Variants in OR51E2 observed in about 807,000 individuals in gnomAD.
The protein encoded by OR51E2 is olfactory receptor 51E2.
OR51E2 carries 14 observed loss-of-function variants against 13.7 expected under a neutral mutation model. The observed-to-expected ratio is 1.02, with a 90% CI of 0.68 to 1.60. The LOEUF (loss-of-function observed/expected upper bound fraction) is 1.60. OR51E2 is among the 40% of genes most tolerant of loss of function. OR51E2 has a pLI of 0.00. For missense variants in OR51E2, 483 were observed against 413.8 expected (o/e 1.17, Z -1.45); for synonymous variants, 180 against 157.6 (o/e 1.14, Z -1.07).
intron 1 of OR51E2, chr11:4,691,733 G>A (rs1847583238): frequency 3.0e-6 from 1 of 331,880 alleles, no homozygotes; most frequent in Non-Finnish European, 5.9e-6. Context: ...CGAGATGAGA[G>A]CTTAAACAAA....
Position 4,682,415 on chromosome 11 carries a change from C to T in OR51E2, c.297G>A (p.Gln99=). The T allele has an allele frequency of 6.2e-7, 1 of 1,614,180 alleles. No homozygotes were observed. The highest frequency in any genetic ancestry group is 8.5e-7 in the Non-Finnish European group (1 of 1,180,034). Residue 99 remains glutamine, a synonymous_variant, in exon 2 of 2, where the codon CAG becomes CAA. Transcript: ENST00000396950. ...REISFEACLT[Q]MFFIHALSAI... is the part of the protein sequence containing the mutation. ...CTGAGAGGGCATGAATAAAGAACAT[C>T]TGGGTAAGACAGGCCTCAAAGCTAA...
chr11:4,697,627 T>TC (rs1396540330), intron 1 of OR51E2, 26 bp downstream of exon 1: 1 of 152,686 alleles, frequency 6.5e-6, no homozygotes, highest in African/African-American at 2.4e-5. Flanking sequence ...TCAAGCATTT[T>TC]CATTGAACAA....
intron 1 of OR51E2, among the ~76,000 whole-genome samples, chr11:4,690,143 G>T (rs774416340): frequency 7.9e-5 from 12 of 151,136 alleles, no homozygotes; most frequent in Non-Finnish European, 1.8e-4. Context: ...GGACTCTGGA[G>T]TCAGTCTGCA....
At chr11:4,690,464 G>A in intron 1 of OR51E2, 1 of 169,742 alleles carries the variant, frequency 5.9e-6, no homozygotes, top group East Asian at 1.7e-4. Context: ...GTGTTGGCAG[G>A]GACAGAAGGC....
At chr11:4,689,476 A>G (rs760745924) in intron 1 of OR51E2, among the ~76,000 whole-genome samples, 15 of 152,200 alleles carry the variant, frequency 9.9e-5, no homozygotes, top group Non-Finnish European at 1.8e-4. Context: ...AGAGATCTCC[A>G]TAAAGCGAGG....
intron 1 of OR51E2, among the ~76,000 whole-genome samples, chr11:4,696,414 T>C (rs1173520057): frequency 6.6e-6 from 1 of 152,062 alleles, no homozygotes; most frequent in African/African-American, 2.4e-5. Context: ...ATCCCTTACA[T>C]ATAAAGATTA....
intron 1 of OR51E2, among the ~76,000 whole-genome samples, chr11:4,694,833 G>A (rs1283701783): frequency 6.6e-6 from 1 of 152,098 alleles, no homozygotes; most frequent in Non-Finnish European, 1.5e-5. Flanking sequence ...ATACATGAAT[G>A]TGTCTGTGTG....
intron 1 of OR51E2, chr11:4,690,949 T>G (rs566764794): frequency 2.2e-6 from 1 of 454,452 alleles, no homozygotes; most frequent in Admixed American, 2.4e-5. Context: ...ATGTAATATA[T>G]AGCAAAAGCC....
chr11:4,691,484 G>C (rs527293576), intron 1 of OR51E2: 6 of 456,434 alleles, frequency 1.3e-5, no homozygotes, highest in South Asian at 9.3e-5. Context: ...TGGACAGGCC[G>C]AGGTCAGTGG....
chr11:4,680,286 A>G lies in OR51E2; in HGVS notation c.*1463T>C, dbSNP rs868497379. ...ACATTAAAAAATGAAGACATGATCAAGGAGATGTAAGAGACAAATAGACAA... is the reference window on the plus strand; with the variant it reads ...ACATTAAAAAATGAAGACATGATCAGGGAGATGTAAGAGACAAATAGACAA... On this transcript the variant is annotated 3_prime_UTR_variant, in exon 2 of 2. Coordinates refer to ENST00000396950, the MANE Select transcript of OR51E2 (RefSeq NM_030774.4). The G allele has an allele frequency of 2.0e-5, 3 of 152,248 alleles. No individual in the cohort carries two copies. Among genetic ancestry groups the G allele is most frequent in the Admixed American group, 6.5e-5 (1 of 15,292 alleles). 9.4% of individuals were successfully genotyped at this position (152,248 alleles called of 1,614,324 possible). A position where few individuals can be genotyped will look rare whatever the true frequency, so the allele number is the denominator to read the frequency against.
chr11:4,696,263 G>T (rs185895156), intron 1 of OR51E2, among the ~76,000 whole-genome samples: 1 of 151,940 alleles, frequency 6.6e-6, no homozygotes, highest in East Asian at 1.9e-4. Context: ...TCATTCTCTC[G>T]TCCCCTCCAA....
intron 1 of OR51E2, among the ~76,000 whole-genome samples, chr11:4,689,807 C>G (rs978873739): frequency 3.9e-5 from 6 of 151,902 alleles, no homozygotes; most frequent in Non-Finnish European, 8.8e-5. Flanking sequence ...GAAAGATCAT[C>G]AGGTAGAAAT....
At chr11:4,683,317 A>G (rs557494786) in intron 1 of OR51E2, among the ~76,000 whole-genome samples, 12 of 152,362 alleles carry the variant, frequency 7.9e-5, no homozygotes, top group African/African-American at 2.6e-4. Context: ...TGAGGATAGG[A>G]GATAACTTTG....
intron 1 of OR51E2, chr11:4,691,716 T>A: frequency 2.8e-6 from 1 of 356,130 alleles, no homozygotes; most frequent in South Asian, 2.1e-5. Context: ...GAATTAAAAG[T>A]ACAGAACGAG....
chr11:4,682,188 T>C lies in OR51E2; in HGVS notation c.524A>G (p.His175Arg), dbSNP rs1241404812. The change falls in exon 2 of 2, where the codon CAC becomes CGC. Residue 175 changes from histidine to arginine, a missense_variant. His to Arg is a conservative substitution (Grantham distance 29). Transcript: ENST00000396950. ...LAFCHSNVLS[H>R]SYCVHQDVMK... ...TACATCCTGGTGGACACAATAGGAG[T>C]GCGAGAGGACATTGGAGTGGCAGAA... 9 of 1,613,658 alleles carry C rather than the reference T, an allele frequency of 5.6e-6. No homozygotes were observed. Among genetic ancestry groups the C allele is most frequent in the Admixed American group, 1.7e-5 (1 of 60,002 alleles).
intron 1 of OR51E2, 108 bp downstream of exon 1, chr11:4,697,545 A>G (rs1216566881): frequency 6.6e-6 from 1 of 152,656 alleles, no homozygotes; most frequent in Non-Finnish European, 1.5e-5. Context: ...CCACCATACC[A>G]ACATCTAATC....
intron 1 of OR51E2, among the ~76,000 whole-genome samples, chr11:4,688,687 T>G (rs2133248781): frequency 6.6e-6 from 1 of 152,258 alleles, no homozygotes; most frequent in South Asian, 2.1e-4. Flanking sequence ...ACCAGAAAGC[T>G]GTTATAATAA....
In OR51E2 at chr11:4,681,840, T is replaced by C. The variant is rs1847454182; in HGVS notation, c.872A>G (p.Tyr291Cys). Residue 291 changes from tyrosine (Y) to cysteine (C), a missense_variant, in exon 2 of 2, where the codon TAT becomes TGT. Tyr to Cys is a radical substitution (Grantham distance 194). Coordinates refer to ENST00000396950, the MANE Select transcript of OR51E2 (RefSeq NM_030774.4). ...LLPPVINPII[Y>C]GAKTKQIRTR... The stretch of plus-strand genomic sequence containing the variant: ...TCTGATCTGTTTGGTTTTGGCACCA[T>C]AGATGATGGGATTGATGACAGGAGG... 6.2e-7 allele frequency: 1 copy of C among 1,614,012 alleles called. No homozygotes were observed. The highest frequency in any genetic ancestry group is 1.7e-5 in the Admixed American group (1 of 60,010).
intron 1 of OR51E2, among the ~76,000 whole-genome samples, chr11:4,695,400 T>G (rs1423563809): frequency 6.6e-6 from 1 of 152,186 alleles, no homozygotes; most frequent in Admixed American, 6.6e-5. Context: ...TATAGATATT[T>G]CCAAACAATT....
Sources: gnomAD v4.1 joint callset for allele counts (sites outside exome capture counted in the v4.1 genomes callset) on GRCh38, gnomAD v4.1.1 for gene constraint, MANE v1.5 for transcripts, NCBI Gene and HGNC (gene_info 2026-07-23, HGNC 2026-07-21) for gene names.